The following SLC25A21 variants were observed in gnomAD, a reference collection of about 807,000 sequenced individuals.
The protein encoded by SLC25A21 is solute carrier family 25 member 21, also known as mitochondrial 2-oxodicarboxylate carrier.
Under a neutral mutation model 43.8 loss-of-function variants are expected in SLC25A21, and 47 were observed. The ratio of observed to expected loss-of-function variants is 1.07; its 90% CI spans 0.85 to 1.37. SLC25A21 has a LOEUF of 1.37. Ranked by LOEUF, SLC25A21 falls within the 40% of genes most tolerant of loss-of-function variation. The probability of loss-of-function intolerance (pLI) is 0.00; values close to 1 mark genes in which losing one functional copy is unlikely to be tolerated. For missense variants in SLC25A21, 352 were observed against 350.2 expected (o/e 1.00, Z -0.04); for synonymous variants, 131 against 121.3 (o/e 1.08, Z -0.52).
Position 37,095,818 on chromosome 14 carries a change from GCA to G in SLC25A21, c.70+76461_70+76462del, listed in dbSNP as rs3061856. Among the ~76,000 whole-genome samples, 259 of 139,634 alleles carry G rather than the reference GCA, an allele frequency of 1.9e-3. 1 individual carries two copies. The highest frequency in any genetic ancestry group is 6.5e-3 in the African/African-American group (237 of 36,500). 91.6% of individuals were successfully genotyped at this position (139,634 alleles called of 152,430 possible). A position where few individuals can be genotyped will look rare whatever the true frequency, so the allele number is the denominator to read the frequency against. ...TATTTATATACACACACACGCGCAC[GCA>G]CACACACACACACACACACACACAA... On this transcript the variant is annotated intron_variant, in intron 1 of 9. Transcript: ENST00000331299.
chr14:36,742,919 C>T (rs1270203863), intron 3 of SLC25A21, among the ~76,000 whole-genome samples: 3 of 152,214 alleles, frequency 2.0e-5, no homozygotes, highest in African/African-American at 7.2e-5. Flanking sequence ...TTTTCCTGAA[C>T]ACACTTTTCA....
intron 3 of SLC25A21, among the ~76,000 whole-genome samples, chr14:36,793,500 C>G (rs1279075788): frequency 6.8e-6 from 1 of 146,150 alleles, no homozygotes; most frequent in African/African-American, 2.6e-5. Flanking sequence ...TCCCATGAGC[C>G]TTCTCCCCTC....
intron 3 of SLC25A21, among the ~76,000 whole-genome samples, chr14:36,744,040 GA>G (rs1264352023): frequency 6.6e-6 from 1 of 152,126 alleles, no homozygotes; most frequent in East Asian, 1.9e-4. Flanking sequence ...AATCATAGAT[GA>G]CACAAACAAG....
At chr14:37,020,467 G>T (rs1448814015) in intron 1 of SLC25A21, among the ~76,000 whole-genome samples, 19 of 148,682 alleles carry the variant, frequency 1.3e-4, no homozygotes, top group Admixed American at 9.4e-4. Context: ...TCAAATCACA[G>T]AGTTTAGATG....
chr14:36,776,337 C>T (rs1344243942), intron 3 of SLC25A21, among the ~76,000 whole-genome samples: 15 of 145,498 alleles, frequency 1.0e-4, no homozygotes, highest in Non-Finnish European at 1.6e-4. Flanking sequence ...CCCGGGTTCA[C>T]GCCATTCTCC....
At chr14:36,837,819 T>C (rs917750950) in intron 2 of SLC25A21, among the ~76,000 whole-genome samples, 13 of 152,190 alleles carry the variant, frequency 8.5e-5, no homozygotes, top group African/African-American at 3.1e-4. Flanking sequence ...AGACTTTGCC[T>C]TGTTGCTGTC....
intron 1 of SLC25A21, among the ~76,000 whole-genome samples, chr14:37,000,926 A>C (rs1364306317): frequency 6.6e-6 from 1 of 152,052 alleles, no homozygotes; most frequent in East Asian, 1.9e-4. Context: ...ACTGTGAGTA[A>C]ATTAAACCTC....
rs948712993 is a variant in SLC25A21 at position 37,042,890 on chromosome 14, T to C, written c.70+129391A>G. 2.6e-5 allele frequency among the ~76,000 whole-genome samples: 4 copies of C among 152,364 alleles called. No individual in the cohort carries two copies. The South Asian group carries it at 8.3e-4, about 32-fold the overall frequency. ...ACCAGGTTAAATCTTTTTCCTGCACTCCTGGCCCATATACTAAACTCTTTA... is the reference window on the plus strand; with the variant it reads ...ACCAGGTTAAATCTTTTTCCTGCACCCCTGGCCCATATACTAAACTCTTTA... On this transcript the variant is annotated intron_variant, in intron 1 of 9. Transcript: ENST00000331299.
intron 1 of SLC25A21, among the ~76,000 whole-genome samples, chr14:36,924,697 A>T (rs1892081326): frequency 6.6e-6 from 1 of 152,070 alleles, no homozygotes; most frequent in Non-Finnish European, 1.5e-5. Flanking sequence ...GCAATACAAC[A>T]ATAAAAAGAT....
At chr14:36,739,730 G>A in intron 3 of SLC25A21, among the ~76,000 whole-genome samples, 1 of 151,826 alleles carries the variant, frequency 6.6e-6, no homozygotes, top group East Asian at 1.9e-4. Context: ...TGTCAATGTG[G>A]GAGAATGTTG....
chr14:36,901,983 C>A (rs1035448686), intron 1 of SLC25A21, among the ~76,000 whole-genome samples: 1 of 152,148 alleles, frequency 6.6e-6, no homozygotes, highest in Non-Finnish European at 1.5e-5. Flanking sequence ...AAGAGGTTTA[C>A]ATGACTCATT....
intron 1 of SLC25A21, among the ~76,000 whole-genome samples, chr14:37,156,193 A>T (rs1205412122): frequency 6.6e-6 from 1 of 151,642 alleles, no homozygotes; most frequent in Non-Finnish European, 1.5e-5. Context: ...GAAAGTATAA[A>T]ACTCACTAGT....
intron 3 of SLC25A21, among the ~76,000 whole-genome samples, chr14:36,803,891 C>G (rs934702533): frequency 1.3e-5 from 2 of 152,198 alleles, no homozygotes; most frequent in African/African-American, 2.4e-5. Flanking sequence ...GGCCAAGACT[C>G]TAACAGGTGA....
At chr14:36,722,814 C>T (rs1884429531) in intron 6 of SLC25A21, among the ~76,000 whole-genome samples, 1 of 152,070 alleles carries the variant, frequency 6.6e-6, no homozygotes, top group African/African-American at 2.4e-5. Flanking sequence ...CATAAATATG[C>T]ATTACTTTTA....
intron 1 of SLC25A21, among the ~76,000 whole-genome samples, chr14:36,879,295 T>C (rs1277698865): frequency 6.6e-6 from 1 of 152,154 alleles, no homozygotes; most frequent in African/African-American, 2.4e-5. Context: ...AAATGTTCCA[T>C]ATGTTATTTT....
In SLC25A21 at chr14:36,680,519, A is replaced by G. The variant is rs1882187158; in HGVS notation, c.*139T>C. 2 of 1,315,188 alleles carry G rather than the reference A, an allele frequency of 1.5e-6. No homozygotes were observed. Among genetic ancestry groups the G allele is most frequent in the South Asian group, 5.6e-5 (2 of 35,582 alleles). The allele number at this position is 1,315,188 out of a possible 1,614,324, so 81.5% of individuals were successfully genotyped here. On this transcript the variant is annotated 3_prime_UTR_variant, in exon 10 of 10. Coordinates refer to ENST00000331299, the MANE Select transcript of SLC25A21 (RefSeq NM_030631.4). ...CTCAAGTTGCCTATAGACATTTTTT[A>G]AAGTATTAAAATAGATTTTGTTCTT...
chr14:36,874,652 A>G (rs544178175), intron 2 of SLC25A21, among the ~76,000 whole-genome samples: 1 of 152,342 alleles, frequency 6.6e-6, no homozygotes, highest in South Asian at 2.1e-4. Context: ...AATCCACTGG[A>G]TAAAGTTTAG....
intron 7 of SLC25A21, among the ~76,000 whole-genome samples, chr14:36,699,892 C>A (rs1487079488): frequency 6.6e-6 from 1 of 152,216 alleles, no homozygotes; most frequent in Non-Finnish European, 1.5e-5. Context: ...CTCCCAACCC[C>A]TTGCACTTCC....
chr14:37,043,411 C>G (rs1961515631), intron 1 of SLC25A21, among the ~76,000 whole-genome samples: 2 of 152,214 alleles, frequency 1.3e-5, no homozygotes, highest in African/African-American at 4.8e-5. Context: ...CCTCCACACA[C>G]TCCAGTCTGA....
Sources: gnomAD v4.1 joint callset for allele counts (sites outside exome capture counted in the v4.1 genomes callset) on GRCh38, gnomAD v4.1.1 for gene constraint, MANE v1.5 for transcripts, NCBI Gene and HGNC (gene_info 2026-07-23, HGNC 2026-07-21) for gene names.